SEMA5A: variants seen among roughly 807,000 people sequenced by gnomAD.
The protein encoded by SEMA5A is semaphorin-5A.
SEMA5A carries 55 observed loss-of-function variants against 135.5 expected under a neutral mutation model. That is an observed-to-expected ratio of 0.41 (90% confidence interval 0.33 to 0.51). The LOEUF (loss-of-function observed/expected upper bound fraction) is 0.51, where lower values mean the gene tolerates loss of function less well. SEMA5A is among the 20% of genes least tolerant of loss of function. SEMA5A has a pLI of 0.37. For synonymous variants in SEMA5A, 580 were observed against 546.5 expected (o/e 1.06, Z -0.85); for missense variants, 1,290 against 1,419.9 (o/e 0.91, Z 1.47).
At chr5:9,141,315 C>T (rs1579468689) in intron 12 of SEMA5A, among the ~76,000 whole-genome samples, 1 of 152,114 alleles carries the variant, frequency 6.6e-6, no homozygotes, top group East Asian at 1.9e-4. Context: ...AAATGTTTTT[C>T]CTTGTGTGGT....
chr5:9,382,593 TTAAG>T (rs1755663841), intron 2 of SEMA5A, among the ~76,000 whole-genome samples: 1 of 151,756 alleles, frequency 6.6e-6, no homozygotes, highest in African/African-American at 2.4e-5. Flanking sequence ...AGTAGAAAAA[TTAAG>T]GGTTAATTTC....
Position 9,309,165 on chromosome 5 carries a change from A to G in SEMA5A, c.270+9207T>C, listed in dbSNP as rs116721797. Among the ~76,000 whole-genome samples, 826 of 152,258 alleles carry G rather than the reference A, an allele frequency of 5.4e-3. 7 individuals carry two copies. Among genetic ancestry groups the G allele is most frequent in the African/African-American group, 0.019 (775 of 41,556 alleles). The stretch of plus-strand genomic sequence containing the variant: ...CTGGCTGTCCTCTCCAAAATGTACT[A>G]TAGAGAAAATTGAGGTAAAGAGAGG... On this transcript the variant is annotated intron_variant, in intron 5 of 22. Coordinates refer to ENST00000382496, the MANE Select transcript of SEMA5A (RefSeq NM_003966.3).
At chr5:9,201,037 C>T (rs915569117) in intron 9 of SEMA5A, among the ~76,000 whole-genome samples, 2 of 152,126 alleles carry the variant, frequency 1.3e-5, no homozygotes, top group African/African-American at 4.8e-5. Context: ...GATTTTGATC[C>T]TTTACTTTGC....
At chr5:9,403,832 C>T (rs1407647135) in intron 2 of SEMA5A, among the ~76,000 whole-genome samples, 2 of 152,202 alleles carry the variant, frequency 1.3e-5, no homozygotes, top group Non-Finnish European at 2.9e-5. Context: ...TCTGCCACTA[C>T]AGCCAGTCAG....
chr5:9,130,362 A>G (rs1164671244), intron 13 of SEMA5A, among the ~76,000 whole-genome samples: 3 of 152,226 alleles, frequency 2.0e-5, no homozygotes, highest in South Asian at 4.1e-4. Context: ...AGAATGTAAC[A>G]AAACAGAATG....
chr5:9,389,849 T>A (rs888047661), intron 2 of SEMA5A, among the ~76,000 whole-genome samples: 1 of 152,192 alleles, frequency 6.6e-6, no homozygotes, highest in Non-Finnish European at 1.5e-5. Flanking sequence ...CTTATTCCTG[T>A]TACAGCCTTT....
At chr5:9,351,774 C>T (rs1038624622) in intron 3 of SEMA5A, among the ~76,000 whole-genome samples, 1 of 152,168 alleles carries the variant, frequency 6.6e-6, no homozygotes, top group Admixed American at 6.5e-5. Context: ...TCTATGGTGT[C>T]CCCATGGACT....
intron 16 of SEMA5A, among the ~76,000 whole-genome samples, chr5:9,068,723 GCTCT>G (rs1460259238): frequency 2.0e-4 from 30 of 152,158 alleles, no homozygotes; most frequent in Admixed American, 1.6e-3. Flanking sequence ...GGATTCCTAA[GCTCT>G]CTGAGGGGTC....
At chr5:9,249,714 A>C (rs1004725666) in intron 5 of SEMA5A, among the ~76,000 whole-genome samples, 1 of 152,144 alleles carries the variant, frequency 6.6e-6, no homozygotes, top group Non-Finnish European at 1.5e-5. Flanking sequence ...GGAACACTCA[A>C]CCCAGATGTA....
intron 18 of SEMA5A, among the ~76,000 whole-genome samples, chr5:9,061,839 G>A (rs1272144348): frequency 1.3e-5 from 2 of 152,128 alleles, no homozygotes; most frequent in African/African-American, 4.8e-5. Context: ...TAATTAATGA[G>A]GTAGACCTTT....
At chr5:9,449,646 A>G (rs1230466725) in intron 1 of SEMA5A, among the ~76,000 whole-genome samples, 21 of 152,178 alleles carry the variant, frequency 1.4e-4, no homozygotes, top group Non-Finnish European at 1.5e-5. Context: ...ATGTGTGTAA[A>G]TATTAACAGG....
intron 3 of SEMA5A, among the ~76,000 whole-genome samples, chr5:9,356,456 T>C (rs1428276585): frequency 3.3e-5 from 5 of 152,108 alleles, no homozygotes; most frequent in Non-Finnish European, 7.4e-5. Context: ...TGGGCCAACT[T>C]GTAGACACTT....
chr5:9,264,652 T>C (rs1749585919), intron 5 of SEMA5A, among the ~76,000 whole-genome samples: 2 of 151,696 alleles, frequency 1.3e-5, no homozygotes, highest in South Asian at 4.2e-4. Context: ...GAGGTCATAG[T>C]GACACCTCCC....
Position 9,038,134 on chromosome 5 carries a change from A to C in SEMA5A, c.*4763T>G, listed in dbSNP as rs536457066. 1.3e-5 allele frequency: 2 copies of C among 152,358 alleles called. No homozygotes were observed. Among genetic ancestry groups the C allele is most frequent in the African/African-American group, 4.8e-5 (2 of 41,576 alleles). The allele number at this position is 152,358 out of a possible 1,614,324, so 9.4% of individuals were successfully genotyped here. A position where few individuals can be genotyped will look rare whatever the true frequency, so the allele number is the denominator to read the frequency against. The stretch of plus-strand genomic sequence containing the variant: ...AAGTGATGAAGAAGTTAGGATGAAC[A>C]AATGGGCTAGGCAAGGCCAAGGCCA... On this transcript the variant is annotated 3_prime_UTR_variant, in exon 23 of 23. Transcript: ENST00000382496.
chr5:9,086,365 G>A (rs1738689344), intron 16 of SEMA5A, among the ~76,000 whole-genome samples: 1 of 152,150 alleles, frequency 6.6e-6, no homozygotes, highest in Non-Finnish European at 1.5e-5. Flanking sequence ...GGGACCTGGT[G>A]TGGGTCTGGG....
At chr5:9,309,624 G>A (rs2150639189) in intron 5 of SEMA5A, among the ~76,000 whole-genome samples, 1 of 152,160 alleles carries the variant, frequency 6.6e-6, no homozygotes, top group African/African-American at 2.4e-5. Context: ...CGGCAGCATG[G>A]AACCAAGCCC....
chr5:9,420,430 C>G (rs1476419338), intron 2 of SEMA5A, among the ~76,000 whole-genome samples: 1 of 152,096 alleles, frequency 6.6e-6, no homozygotes, highest in Admixed American at 6.5e-5. Context: ...AGGGTTACTC[C>G]TATGCTGGAG....
intron 12 of SEMA5A, among the ~76,000 whole-genome samples, chr5:9,140,544 C>A (rs544484806): frequency 1.3e-5 from 2 of 152,322 alleles, no homozygotes; most frequent in South Asian, 4.1e-4. Context: ...AAGAGTCCTT[C>A]TGCTCCCTGC....
rs112263303 is a variant in SEMA5A at position 9,283,981 on chromosome 5, AATAG to A, written c.270+34387_270+34390del. On this transcript the variant is annotated intron_variant, in intron 5 of 22. Coordinates refer to ENST00000382496, the MANE Select transcript of SEMA5A (RefSeq NM_003966.3). Reference sequence around the variant, plus strand: ...CATGTGATACATGGTCTTACTAAAAAATAGATAGATAGATAGATAGATAACAGAT... The same window carrying A: ...CATGTGATACATGGTCTTACTAAAAAATAGATAGATAGATAGATAACAGAT... 1.5e-3 allele frequency among the ~76,000 whole-genome samples: 230 copies of A among 152,212 alleles called. 5 individuals are homozygous for A. Among genetic ancestry groups the A allele is most frequent in the Admixed American group, 0.013 (198 of 15,288 alleles).
Sources: gnomAD v4.1 joint callset for allele counts (sites outside exome capture counted in the v4.1 genomes callset) on GRCh38, gnomAD v4.1.1 for gene constraint, MANE v1.5 for transcripts, NCBI Gene and HGNC (gene_info 2026-07-23, HGNC 2026-07-21) for gene names.